The following CNTNAP5 variants were observed in gnomAD, a reference collection of about 807,000 sequenced individuals.
The protein encoded by CNTNAP5 is contactin-associated protein-like 5.
Under a neutral mutation model 150.2 loss-of-function variants are expected in CNTNAP5, and 72 were observed. The observed-to-expected ratio is 0.48, with a 90% CI of 0.40 to 0.58. CNTNAP5 has a LOEUF of 0.58. Among genes scored for constraint, CNTNAP5 ranks in the 20% least tolerant of loss-of-function variants. CNTNAP5 has a pLI of 0.00. For missense variants in CNTNAP5, 1,636 were observed against 1,626.2 expected, an observed-to-expected ratio of 1.01 and a Z score of -0.10; for synonymous variants, 672 against 619.8, an observed-to-expected ratio of 1.08 and a Z score of -1.25.
chr2:124,708,579 G>A (rs1679742727), intron 13 of CNTNAP5, among the ~76,000 whole-genome samples: 2 of 152,178 alleles, frequency 1.3e-5, no homozygotes, highest in Admixed American at 6.6e-5. Context: ...GAGCACAGAG[G>A]GATGGAAATT....
chr2:124,504,193 T>C, intron 7 of CNTNAP5, 99 bp from the exon 8 acceptor site: 1 of 1,196,258 alleles, frequency 8.4e-7, no homozygotes, highest in Admixed American at 2.1e-5. Context: ...TGTGGAATGA[T>C]CCTGAAATTA....
intron 11 of CNTNAP5, among the ~76,000 whole-genome samples, chr2:124,589,738 T>C (rs1049821344): frequency 6.6e-6 from 1 of 152,232 alleles, no homozygotes; most frequent in Admixed American, 6.5e-5. Context: ...ACTCAGATTG[T>C]ATCCTTTTTA....
At chr2:124,706,778 A>AGAC (rs1354616948) in intron 13 of CNTNAP5, among the ~76,000 whole-genome samples, 1 of 37,334 alleles carries the variant, frequency 2.7e-5, no homozygotes, top group African/African-American at 1.1e-4. Context: ...AAGAAGAAGA[A>AGAC]GAAGAAGAAG....
At chr2:124,488,562 A>C (rs1353273098) in intron 7 of CNTNAP5, among the ~76,000 whole-genome samples, 1 of 152,226 alleles carries the variant, frequency 6.6e-6, no homozygotes, top group Non-Finnish European at 1.5e-5. Context: ...GAGTTTCTAA[A>C]TGTTAACTAA....
chr2:124,918,706 T>G lies in CNTNAP5; in HGVS notation c.*4418T>G, dbSNP rs1371824959. On this transcript the variant is annotated 3_prime_UTR_variant, in exon 24 of 24. Transcript: ENST00000682447. ...CCTACCAAAAGGCCTTTGGGATACC[T>G]GTATGGTTCTGCCAGTCATTCTTCC... Among the ~76,000 whole-genome samples, 1 of 152,134 alleles carries G rather than the reference T, an allele frequency of 6.6e-6. No individual in the cohort carries two copies. Among genetic ancestry groups the G allele is most frequent in the Non-Finnish European group, 1.5e-5 (1 of 68,010 alleles).
intron 3 of CNTNAP5, among the ~76,000 whole-genome samples, chr2:124,342,856 TCA>T (rs1304141927): frequency 7.0e-4 from 107 of 152,288 alleles, no homozygotes; most frequent in African/African-American, 2.5e-3. Context: ...TCATGGTTTT[TCA>T]TGAGTTCAGT....
rs973165093 is a variant in CNTNAP5, at chr2:124,613,014, T to C, written c.1876+3094T>C. On this transcript the variant is annotated intron_variant, in intron 12 of 23. Coordinates refer to ENST00000682447, the MANE Select transcript of CNTNAP5 (RefSeq NM_001367498.1). ...TTGCAGTGAGCCGAGATTGTGCCAC[T>C]GCACTCCAGCCTGGGTGACAGAGTA... Among the ~76,000 whole-genome samples, 10 of 152,260 alleles carry C rather than the reference T, an allele frequency of 6.6e-5. No individual in the cohort carries two copies. The South Asian group carries it at 2.1e-3, about 32-fold the overall frequency.
At chr2:124,883,604 A>G (rs931225838) in intron 21 of CNTNAP5, among the ~76,000 whole-genome samples, 1 of 152,088 alleles carries the variant, frequency 6.6e-6, no homozygotes, top group Admixed American at 6.6e-5. Flanking sequence ...GTATACATGT[A>G]TATGTATGTC....
chr2:124,805,175 C>G (rs775964615), intron 19 of CNTNAP5, among the ~76,000 whole-genome samples: 1 of 152,058 alleles, frequency 6.6e-6, no homozygotes. Flanking sequence ...TCTTGAAAAC[C>G]GGCTGTCTCT....
chr2:124,914,343 C>G lies in CNTNAP5; in HGVS notation c.*55C>G, dbSNP rs1025751636. 2 of 1,220,386 alleles carry G rather than the reference C, an allele frequency of 1.6e-6. No homozygotes were observed. Among genetic ancestry groups the G allele is most frequent in the Admixed American group, 2.0e-5 (1 of 51,232 alleles). 75.6% of individuals were successfully genotyped at this position (1,220,386 alleles called of 1,614,324 possible). On this transcript the variant is annotated 3_prime_UTR_variant, in exon 24 of 24. Coordinates refer to ENST00000682447, the MANE Select transcript of CNTNAP5 (RefSeq NM_001367498.1). ...TCTTGTTGTTCAATTATCTCCTCCC[C>G]CTCTTCTCTCCTGTCTTTTGATTTG...
intron 14 of CNTNAP5, among the ~76,000 whole-genome samples, chr2:124,752,119 C>A (rs1184476326): frequency 6.6e-6 from 1 of 152,172 alleles, no homozygotes; most frequent in Admixed American, 6.5e-5. Flanking sequence ...TACAATCTCT[C>A]AAATCACATC....
At chr2:124,185,867 C>A (rs546446150) in intron 1 of CNTNAP5, among the ~76,000 whole-genome samples, 27 of 152,278 alleles carry the variant, frequency 1.8e-4, no homozygotes, top group African/African-American at 6.3e-4. Context: ...GAGTTGAATC[C>A]ACTAACTGGT....
intron 1 of CNTNAP5, among the ~76,000 whole-genome samples, chr2:124,119,055 T>C (rs977048288): frequency 6.6e-6 from 1 of 152,178 alleles, no homozygotes; most frequent in Admixed American, 6.5e-5. Flanking sequence ...TTAGGGCCGT[T>C]GCACTTAGTG....
At chr2:124,275,688 A>G (rs1406413906) in intron 3 of CNTNAP5, among the ~76,000 whole-genome samples, 1 of 152,078 alleles carries the variant, frequency 6.6e-6, no homozygotes, top group Non-Finnish European at 1.5e-5. Context: ...ACATTCTGCC[A>G]AGAGTACCTC....
intron 18 of CNTNAP5, among the ~76,000 whole-genome samples, chr2:124,792,133 T>G (rs1241524211): frequency 1.3e-5 from 2 of 152,134 alleles, no homozygotes; most frequent in Non-Finnish European, 2.9e-5. Context: ...AAGGAGATGG[T>G]GTGTAAATAC....
At chr2:124,148,652 A>G (rs969909618) in intron 1 of CNTNAP5, among the ~76,000 whole-genome samples, 4 of 149,836 alleles carry the variant, frequency 2.7e-5, no homozygotes, top group African/African-American at 7.3e-5. Flanking sequence ...TCTCATATAT[A>G]TATATCCACT....
intron 3 of CNTNAP5, among the ~76,000 whole-genome samples, chr2:124,308,331 C>T (rs944521364): frequency 6.6e-6 from 1 of 152,174 alleles, no homozygotes; most frequent in African/African-American, 2.4e-5. Context: ...ATCCCCTGCC[C>T]TGGTTTCTAA....
chr2:124,341,656 A>G (rs887174628), intron 3 of CNTNAP5, among the ~76,000 whole-genome samples: 4 of 152,200 alleles, frequency 2.6e-5, no homozygotes, highest in Non-Finnish European at 5.9e-5. Flanking sequence ...GAAGAAAAAC[A>G]AAGGTTGAAG....
intron 1 of CNTNAP5, among the ~76,000 whole-genome samples, chr2:124,155,727 G>A (rs1573797517): frequency 6.6e-6 from 1 of 152,154 alleles, no homozygotes; most frequent in African/African-American, 2.4e-5. Context: ...CGTAGAAAAG[G>A]TTTATATTTG....
Sources: allele counts gnomAD v4.1 joint callset (sites outside exome capture counted in the v4.1 genomes callset), GRCh38; gene constraint gnomAD v4.1.1; transcripts MANE v1.5; gene names NCBI Gene and HGNC (gene_info 2026-07-23, HGNC 2026-07-21).